The following SGSH variants were observed in gnomAD, a reference collection of about 807,000 sequenced individuals.
SGSH encodes heparan sulfate sulfatase.
In SGSH, 48 loss-of-function variants were observed where a neutral mutation model predicts 51.0. The observed-to-expected ratio is 0.94, with a 90% CI of 0.75 to 1.20. The LOEUF (loss-of-function observed/expected upper bound fraction) is 1.20. Ranked by LOEUF, SGSH falls within the 50% of genes most tolerant of loss-of-function variation. The pLI is 0.00. For synonymous variants in SGSH, 321 were observed against 313.4 expected, an observed-to-expected ratio of 1.02 and a Z score of -0.26; for missense variants, 662 against 717.8, an observed-to-expected ratio of 0.92 and a Z score of 0.89.
downstream of SGSH, chr17:80,208,248 A>G (rs766211408): frequency 1.0e-5 from 16 of 1,581,076 alleles, no homozygotes; most frequent in East Asian, 3.2e-4. Context: ...CTGGCTCCTG[A>G]CGGCTGGAGC....
chr17:80,216,957 G>A (rs2041912646), intron 2 of SGSH, 75 bp downstream of exon 2: 26 of 1,385,346 alleles, frequency 1.9e-5, no homozygotes, highest in Middle Eastern at 2.5e-4. Context: ...GATGGGAGAC[G>A]TGGCAGAGGC....
chr17:80,208,125 C>T, downstream of SGSH: 9 of 1,512,210 alleles, frequency 6.0e-6, no homozygotes, highest in Non-Finnish European at 8.0e-6. Flanking sequence ...CCCCCCAACT[C>T]TGGCCTGTGC....
At chr17:80,201,479 G>A in the SGSH span, 4 of 496,340 alleles carry the variant, frequency 8.1e-6, no homozygotes, top group Non-Finnish European at 1.4e-5. The surrounding 1 kb of genome is among the most constrained non-coding windows in gnomAD (Gnocchi z 5.0). Flanking sequence ...ACAGGAAAGT[G>A]CTTATCACAA....
At chr17:80,204,951 GCAGACC>G, downstream of SGSH, 1 of 1,240,700 alleles carries the variant, frequency 8.1e-7, no homozygotes, top group South Asian at 1.5e-5. Context: ...AGTGAGCAAA[GCAGACC>G]CAGTCCCTCC....
chr17:80,205,613 C>G (rs751614292), downstream of SGSH: 2 of 1,512,782 alleles, frequency 1.3e-6, no homozygotes, highest in Non-Finnish European at 1.8e-6. Flanking sequence ...GGGGCCGCTG[C>G]TGGGTGACCC....
At position 80,213,951 on chromosome 17, in the gene SGSH, C is replaced by G; in HGVS notation, c.664-66G>C. On this transcript the variant is annotated intron_variant, in intron 5 of 7. Coordinates refer to ENST00000326317, the MANE Select transcript of SGSH (RefSeq NM_000199.5). This position sits in a 1 kb window ranked among gnomAD's most constrained non-coding sequence, Gnocchi z 4.6. ...CCGGGGGAGCGGTGTCCAGCCTTCT[C>G]CCCGGGGCCTCCTGCAAATGGGTTA... The G allele has an allele frequency of 6.7e-7, 1 of 1,481,562 alleles. No homozygotes were observed. Among genetic ancestry groups the G allele is most frequent in the South Asian group, 1.2e-5 (1 of 84,506 alleles). The allele number at this position is 1,481,562 out of a possible 1,614,324, so 91.8% of individuals were successfully genotyped here. A position where few individuals can be genotyped will look rare whatever the true frequency, so the allele number is the denominator to read the frequency against.
At chr17:80,202,688 T>A (rs2041049749), downstream of SGSH, 1 of 1,164,472 alleles carries the variant, frequency 8.6e-7, no homozygotes, top group Non-Finnish European at 1.1e-6. Flanking sequence ...CCATGGACGT[T>A]TGGGGCTGGA....
In SGSH at chr17:80,210,367, A is replaced by C; in HGVS notation, c.*85T>G. The C allele has an allele frequency of 1.3e-5, 19 of 1,471,258 alleles. No individual in the cohort carries two copies. The highest frequency in any genetic ancestry group is 1.7e-5 in the Non-Finnish European group (19 of 1,111,874). 91.1% of individuals were successfully genotyped at this position (1,471,258 alleles called of 1,614,324 possible). On this transcript the variant is annotated 3_prime_UTR_variant, in exon 8 of 8. Transcript: ENST00000326317. ...TGTGGACGGAAGGGCTGTTGCCACT[A>C]CTCCCCAGGCTGGCCGGCCACACGG... is the stretch of plus-strand genomic sequence containing the variant.
chr17:80,218,356 G>A (rs7213900), intron 1 of SGSH, among the ~76,000 whole-genome samples: 74,374 of 152,168 alleles, frequency 0.49, 19,902 homozygotes, highest in African/African-American at 0.71. Flanking sequence ...GCAGTGCCCA[G>A]GGCCACACAC....
rs189571889 is a variant in SGSH, at chr17:80,214,643, G to A, written c.478C>T (p.Arg160Trp). 78 of 1,613,394 alleles carry A rather than the reference G, an allele frequency of 4.8e-5. No individual in the cohort carries two copies. Among genetic ancestry groups the A allele is most frequent in the Non-Finnish European group, 5.7e-5 (67 of 1,179,970 alleles). Reference sequence around the variant, plus strand: ...TCATCCTGAGTCTGCAGGAATTTCCGGACGAGCAGCTTAATTCTAGTGATG... The same window carrying A: ...TCATCCTGAGTCTGCAGGAATTTCCAGACGAGCAGCTTAATTCTAGTGATG... ...RNITRIKLLV[R>W]KFLQTQDDRP... The change falls in exon 4 of 8, where the codon CGG becomes TGG. Residue 160 changes from arginine to tryptophan, a missense_variant. Physicochemically the swap from Arg to Trp is moderately radical, Grantham distance 101. Transcript: ENST00000326317.
chr17:80,216,262 G>A (rs1415113454), intron 2 of SGSH, among the ~76,000 whole-genome samples: 1 of 152,068 alleles, frequency 6.6e-6, no homozygotes, highest in Non-Finnish European at 1.5e-5. Context: ...CGGGGAGGCA[G>A]AGGCTGCAGT....
downstream of SGSH, chr17:80,204,799 G>C: frequency 2.0e-6 from 1 of 492,144 alleles, no homozygotes; most frequent in South Asian, 3.8e-5. Context: ...TAAGTTGCAG[G>C]CTGCAAAGCA....
At chr17:80,202,437 A>G (rs765681406), downstream of SGSH, 4 of 1,604,822 alleles carry the variant, frequency 2.5e-6, no homozygotes, top group South Asian at 3.3e-5. Flanking sequence ...AGCTGCCTCG[A>G]GCTCGGTGCG....
At position 80,213,903 on chromosome 17, in the gene SGSH, G is replaced by A; in HGVS notation, c.664-18C>T. On this transcript the variant is annotated intron_variant, in intron 5 of 7. Coordinates refer to ENST00000326317, the MANE Select transcript of SGSH (RefSeq NM_000199.5). The surrounding 1 kb of genome is among the most constrained non-coding windows in gnomAD (Gnocchi z 4.6). ...TAAGGCACCTGGGGCAGGCGGTGGG[G>A]AGCCAGGCTTAGAACAGACAGACCG... is the stretch of plus-strand genomic sequence containing the variant. The A allele has an allele frequency of 6.3e-7, 1 of 1,594,418 alleles. No individual in the cohort carries two copies. Among genetic ancestry groups the A allele is most frequent in the Non-Finnish European group, 8.5e-7 (1 of 1,174,842 alleles).
chr17:80,203,578 C>A (rs1156311465), downstream of SGSH: 2 of 475,520 alleles, frequency 4.2e-6, no homozygotes, highest in South Asian at 3.8e-5. The surrounding 1 kb of genome is among the most constrained non-coding windows in gnomAD (Gnocchi z 4.6). Flanking sequence ...GGTCCCGCCC[C>A]AGGACAAGTA....
At chr17:80,216,974 C>T in intron 2 of SGSH, 58 bp downstream of exon 2, 1 of 1,474,916 alleles carries the variant, frequency 6.8e-7, no homozygotes, top group Non-Finnish European at 9.1e-7. Context: ...AGGCCTGGGC[C>T]CCGGACGCAG....
downstream of SGSH, chr17:80,204,092 C>T (rs986473710): frequency 3.7e-5 from 34 of 916,714 alleles, no homozygotes; most frequent in Non-Finnish European, 5.6e-5. Context: ...GCAGACACAC[C>T]TCAGGCTGTT....
chr17:80,211,341 CAG>C lies in SGSH; in HGVS notation c.950-332_950-331del, dbSNP rs144705416. ...GTGCTCCTGGCTCATCATTTGGGGC[CAG>C]AGAGAGATGTGGGCCCCAAGAGAGA... On this transcript the variant is annotated intron_variant, in intron 7 of 7. Coordinates refer to ENST00000326317, the MANE Select transcript of SGSH (RefSeq NM_000199.5). The C allele has an allele frequency of 2.5e-3, 1,103 of 449,040 alleles. 19 individuals are homozygous for C. The highest frequency in any genetic ancestry group is 0.02 in the African/African-American group (991 of 50,004). 27.8% of individuals were successfully genotyped at this position (449,040 alleles called of 1,614,324 possible).
chr17:80,202,659 G>C, downstream of SGSH: 1 of 1,351,138 alleles, frequency 7.4e-7, no homozygotes, highest in East Asian at 2.8e-5. Flanking sequence ...TCTTAGCTCT[G>C]GGTTTCTTAG....
Sources: gnomAD v4.1 joint callset for allele counts (sites outside exome capture counted in the v4.1 genomes callset) on GRCh38, gnomAD v4.1.1 for gene constraint, Gnocchi (gnomAD v3.1) non-coding constraint, MANE v1.5 for transcripts, NCBI Gene and HGNC (gene_info 2026-07-23, HGNC 2026-07-21) for gene names.